TK1: variants seen among roughly 807,000 people sequenced by gnomAD.
TK1 encodes thymidine kinase, cytosolic.
TK1 carries 13 observed loss-of-function variants against 22.4 expected under a neutral mutation model. That is an observed-to-expected ratio of 0.58 (90% CI 0.38 to 0.92). The LOEUF (loss-of-function observed/expected upper bound fraction) is 0.92, where lower values mean the gene tolerates loss of function less well. Among genes scored for constraint, TK1 ranks in the 40% least tolerant of loss-of-function variants. The pLI is 0.00. For missense variants in TK1, 251 were observed against 315.7 expected (o/e 0.80, Z 1.55); for synonymous variants, 134 against 125.4 (o/e 1.07, Z -0.46).
In TK1 at chr17:78,174,714, T is replaced by TGGGC; in HGVS notation, c.*44_*45insGCCC. 2.0e-6 allele frequency: 3 copies of TGGGC among 1,530,618 alleles called. No individual in the cohort carries two copies. The highest frequency in any genetic ancestry group is 2.6e-6 in the Non-Finnish European group (3 of 1,138,850). The allele number at this position is 1,530,618 out of a possible 1,614,324, so 94.8% of individuals were successfully genotyped here. ...GGGCAGCATGCAGGGCAGCGTCCAG[T>TGGGC]AGGCGGCAGTGGCAGGAAGGGAGCG... is the stretch of plus-strand genomic sequence containing the variant. On this transcript the variant is annotated 3_prime_UTR_variant, in exon 7 of 7. Coordinates refer to ENST00000301634, the MANE Select transcript of TK1 (RefSeq NM_003258.5).
chr17:78,178,237 C>A (rs997043617), intron 4 of TK1, among the ~76,000 whole-genome samples: 1 of 152,204 alleles, frequency 6.6e-6, no homozygotes, highest in South Asian at 2.1e-4. Flanking sequence ...AAGCCCACCA[C>A]ACACTGTGCA....
chr17:78,184,909 T>C, intron 3 of TK1, 146 bp downstream of exon 3: 3 of 661,428 alleles, frequency 4.5e-6, no homozygotes, highest in Non-Finnish European at 7.8e-6. Flanking sequence ...GAGTGTGCGC[T>C]ACCTTGCCAA....
rs2145820368 is a variant in TK1 at position 78,174,700 on chromosome 17, A to C, written c.*59T>G. The C allele has an allele frequency of 6.6e-7, 1 of 1,503,974 alleles. No homozygotes were observed. The highest frequency in any genetic ancestry group is 1.3e-5 in the South Asian group (1 of 76,188). 93.2% of individuals were successfully genotyped at this position (1,503,974 alleles called of 1,614,324 possible). A position where few individuals can be genotyped will look rare whatever the true frequency, so the allele number is the denominator to read the frequency against. ...CTCCTGGAGTGGCTGGGCAGCATGCAGGGCAGCGTCCAGTAGGCGGCAGTG... is the reference window on the plus strand; with the variant it reads ...CTCCTGGAGTGGCTGGGCAGCATGCCGGGCAGCGTCCAGTAGGCGGCAGTG... On this transcript the variant is annotated 3_prime_UTR_variant, in exon 7 of 7. Coordinates refer to ENST00000301634, the MANE Select transcript of TK1 (RefSeq NM_003258.5).
chr17:78,175,263 G>C, intron 5 of TK1, 94 bp from the exon 6 acceptor site: 3 of 1,409,986 alleles, frequency 2.1e-6, no homozygotes, highest in Non-Finnish European at 2.8e-6. Context: ...GAAGCCAGGA[G>C]AGTTTGCTCT....
chr17:78,182,458 C>G, intron 4 of TK1, 131 bp downstream of exon 4: 1 of 607,298 alleles, frequency 1.6e-6, no homozygotes, highest in Non-Finnish European at 2.7e-6. Context: ...AGAGGGTATT[C>G]CAACACTAGT....
chr17:78,185,248 C>A, intron 2 of TK1, 83 bp from the exon 3 acceptor site: 1 of 1,048,708 alleles, frequency 9.5e-7, no homozygotes. Context: ...CCTGGCTCCT[C>A]ATTGTCCCTA....
chr17:78,182,243 G>A (rs1447652552), intron 4 of TK1, among the ~76,000 whole-genome samples: 4 of 151,636 alleles, frequency 2.6e-5, no homozygotes, highest in South Asian at 4.2e-4. Context: ...GCGTGGTGGC[G>A]CATGCCTGTA....
intron 2 of TK1, 105 bp from the exon 3 acceptor site, chr17:78,185,270 A>G (rs567878103): frequency 2.6e-6 from 2 of 778,690 alleles, no homozygotes; most frequent in East Asian, 5.3e-5. Context: ...TGGTATGCAG[A>G]CTGAGCCCAC....
At position 78,174,514 on chromosome 17, in the gene TK1, G is replaced by A. The variant is rs879222251; in HGVS notation, c.*245C>T. The A allele has an allele frequency of 2.8e-5, 15 of 528,980 alleles. No homozygotes were observed. In the Admixed American group the frequency reaches 2.9e-4, roughly 10 times the overall value. The allele number at this position is 528,980 out of a possible 1,614,324, so 32.8% of individuals were successfully genotyped here. On this transcript the variant is annotated 3_prime_UTR_variant, in exon 7 of 7. Coordinates refer to ENST00000301634, the MANE Select transcript of TK1 (RefSeq NM_003258.5). Reference sequence around the variant, plus strand: ...TGTGCCAGATCCCAGGCCACCAAGCGGGGCCAGCTCCAGCCTGGGCGATCG... The same window carrying A: ...TGTGCCAGATCCCAGGCCACCAAGCAGGGCCAGCTCCAGCCTGGGCGATCG...
rs887402136 is a variant in TK1 at position 78,181,254 on chromosome 17, AAAAATT to A, written c.303+1329_303+1334del. On this transcript the variant is annotated intron_variant, in intron 4 of 6. Coordinates refer to ENST00000301634, the MANE Select transcript of TK1 (RefSeq NM_003258.5). ...AGCAAGACTCCATCTCAAAAAAAAT[AAAAATT>A]AAAAAGGCCGGGCACGGCGGCTCAT... 5.5e-4 allele frequency among the ~76,000 whole-genome samples: 84 copies of A among 152,166 alleles called. No individual in the cohort carries two copies. The Middle Eastern group carries it at 0.017, about 31-fold the overall frequency.
At chr17:78,176,003 C>T (rs901518187) in intron 4 of TK1, among the ~76,000 whole-genome samples, 1 of 152,244 alleles carries the variant, frequency 6.6e-6, no homozygotes, top group African/African-American at 2.4e-5. Context: ...ATTAACGTCT[C>T]TGAACCTGTT....
Position 78,182,667 on chromosome 17 carries a change from T to A in TK1, c.225A>T (p.Ala75=). The change falls in exon 4 of 7, where the codon GCA becomes GCT. Residue 75 remains alanine (A), a synonymous_variant. Transcript: ENST00000301634. ...FCTHDRNTME[A]LPACLLRDVA... ...CGTCTCGGAGCAGGCAGGCGGGCAG[T>A]GCCTCCATGGTGTTCCTGGGAAGAG... is the stretch of plus-strand genomic sequence containing the variant. 2 of 1,581,166 alleles carry A rather than the reference T, an allele frequency of 1.3e-6. No homozygotes were observed. Among genetic ancestry groups the A allele is most frequent in the Non-Finnish European group, 1.7e-6 (2 of 1,166,712 alleles).
chr17:78,178,196 C>G (rs1362547154), intron 4 of TK1, among the ~76,000 whole-genome samples: 5 of 152,104 alleles, frequency 3.3e-5, no homozygotes, highest in Non-Finnish European at 1.5e-5. Context: ...AAAAATAAAT[C>G]AGAGCTCCTA....
rs749239954 is a variant in TK1, at chr17:78,185,141, AC to A, written c.122del (p.Arg41LeufsTer12). On this transcript the variant is annotated frameshift_variant, in exon 3 of 7. Coordinates refer to ENST00000301634, the MANE Select transcript of TK1 (RefSeq NM_003258.5). LOFTEE classifies it high-confidence loss of function. The stretch of plus-strand genomic sequence containing the variant: ...ACTTGTACTGAGCAATCTGGAAGCG[AC>A]GGACGCGTCTCATCAACTCTGTGCT... ...GKSTELMRRVRRFQIAQYKCL... is the reference protein window; with the variant it reads ...GKSTELMRRVXRFQIAQYKCL... The A allele has an allele frequency of 6.2e-7, 1 of 1,611,614 alleles. No homozygotes were observed. Among genetic ancestry groups the A allele is most frequent in the African/African-American group, 1.3e-5 (1 of 74,096 alleles).
chr17:78,176,815 T>G (rs1211509195), intron 4 of TK1, among the ~76,000 whole-genome samples: 1 of 152,106 alleles, frequency 6.6e-6, no homozygotes, highest in African/African-American at 2.4e-5. Flanking sequence ...GCTGCGTCCC[T>G]CGCCCCCACC....
intron 3 of TK1, 149 bp downstream of exon 3, chr17:78,184,906 C>T (rs912208914): frequency 9.3e-6 from 6 of 643,404 alleles, no homozygotes; most frequent in South Asian, 2.2e-5. Context: ...GGAGAGTGTG[C>T]GCTACCTTGC....
Position 78,174,777 on chromosome 17 carries a change from T to G in TK1, c.687A>C (p.Gln229His). Reference protein sequence around the residue: ...RKLFAPQQILQCSPAN With the variant: ...RKLFAPQQILHCSPAN ...AGGTCCCTCAGTTGGCAGGGCTGCA[T>G]TGCAGAATCTGCTGTGGGGCAAAGA... Residue 229 changes from glutamine (Q) to histidine (H), a missense_variant, in exon 7 of 7, where the codon CAA becomes CAC. Physicochemically the swap from Gln to His is conservative, Grantham distance 24. Transcript: ENST00000301634. 1.2e-6 allele frequency: 2 copies of G among 1,609,294 alleles called. No homozygotes were observed. The highest frequency in any genetic ancestry group is 1.7e-6 in the Non-Finnish European group (2 of 1,178,034).
At position 78,175,048 on chromosome 17, in the gene TK1, A is replaced by AC; in HGVS notation, c.513+1dup. On this transcript the variant is annotated splice_donor_variant, in intron 6 of 6. Transcript: ENST00000301634. LOFTEE classifies it high-confidence loss of function. ...GCCTGCAGGGAAGGCAGGTGGAGCT[A>AC]CCTCCTTCTCTGTGCCGAGCCTCTT... is the stretch of plus-strand genomic sequence containing the variant. 1 of 1,612,824 alleles carries AC rather than the reference A, an allele frequency of 6.2e-7. No individual in the cohort carries two copies. The highest frequency in any genetic ancestry group is 8.5e-7 in the Non-Finnish European group (1 of 1,179,510).
chr17:78,185,638 C>T (rs149399545), intron 2 of TK1, among the ~76,000 whole-genome samples: 42 of 152,244 alleles, frequency 2.8e-4, no homozygotes, highest in African/African-American at 9.9e-4. Context: ...GATTCTCCTG[C>T]CTCAACCTCC....
Sources: allele counts gnomAD v4.1 joint callset (sites outside exome capture counted in the v4.1 genomes callset), GRCh38; gene constraint gnomAD v4.1.1; transcripts MANE v1.5; gene names NCBI Gene and HGNC (gene_info 2026-07-23, HGNC 2026-07-21).